Variants in SBF1 observed in about 807,000 individuals in gnomAD.
The protein encoded by SBF1 is myotubularin-related protein 5.
SBF1 carries 65 observed loss-of-function variants against 215.8 expected under a neutral mutation model. That is an observed-to-expected ratio of 0.30 (90% CI 0.25 to 0.37). The LOEUF (loss-of-function observed/expected upper bound fraction) is 0.37, where lower values mean the gene tolerates loss of function less well. Among genes scored for constraint, SBF1 ranks in the 10% least tolerant of loss-of-function variants. The pLI is 1.00. For missense variants in SBF1, 2,634 were observed against 2,667.8 expected (o/e 0.99, Z 0.28); for synonymous variants, 1,410 against 1,122.8 (o/e 1.26, Z -5.11).
intron 36 of SBF1, among the ~76,000 whole-genome samples, chr22:50,451,816 G>A (rs2067058111): frequency 6.9e-6 from 1 of 145,430 alleles, no homozygotes; most frequent in Non-Finnish European, 1.5e-5. Context: ...TTTTTTTTGA[G>A]GCAGAGTCTC....
chr22:50,456,765 G>C (rs928290548), intron 29 of SBF1, 92 bp from the exon 30 acceptor site: 7 of 1,165,866 alleles, frequency 6.0e-6, no homozygotes, highest in Non-Finnish European at 4.7e-6. Flanking sequence ...AGGGGGCTGA[G>C]CTCCCAGGGC....
In SBF1 at chr22:50,455,392, C is replaced by T; in HGVS notation, c.4386G>A (p.Gln1462=). 6.2e-7 allele frequency: 1 copy of T among 1,612,566 alleles called. No homozygotes were observed. Among genetic ancestry groups the T allele is most frequent in the South Asian group, 1.1e-5 (1 of 91,038 alleles). Residue 1462 remains glutamine (Q), a synonymous_variant, in exon 33 of 41, where the codon CAG becomes CAA. Coordinates refer to ENST00000380817, the MANE Select transcript of SBF1 (RefSeq NM_002972.4). ...DITTQVVSLV[Q]LLSDPFYRTL... is the part of the protein sequence containing the mutation. ...TGCGGTAGAAGGGGTCTGAGAGCAGCTGCACCAAGGATACCACCTGCCAGC... is the reference window on the plus strand; with the variant it reads ...TGCGGTAGAAGGGGTCTGAGAGCAGTTGCACCAAGGATACCACCTGCCAGC...
At chr22:50,471,685 C>G (rs747454051) in intron 1 of SBF1, among the ~76,000 whole-genome samples, 20 of 152,292 alleles carry the variant, frequency 1.3e-4, no homozygotes, top group Middle Eastern at 3.4e-3. Context: ...GCCATCCCCC[C>G]CAACCTCCCC....
At chr22:50,467,992 G>A in intron 2 of SBF1, 69 bp from the exon 3 acceptor site, 1 of 1,574,218 alleles carries the variant, frequency 6.4e-7, no homozygotes. Flanking sequence ...ACCCGCCCCA[G>A]CATCTGCACC....
intron 6 of SBF1, 34 bp downstream of exon 6, chr22:50,466,571 G>T: frequency 6.5e-7 from 1 of 1,534,850 alleles, no homozygotes; most frequent in African/African-American, 1.4e-5. Context: ...GTCCCCGAGG[G>T]GAAGCCATGC....
At position 50,459,156 on chromosome 22, in the gene SBF1, G is replaced by A. The variant is rs543599225; in HGVS notation, c.3826+99C>T. ...CCACACCCAAACATCCATGACCAGC[G>A]CCGTTTCTGCTCCTCCCTGGCCTGC... is the stretch of plus-strand genomic sequence containing the variant. On this transcript the variant is annotated intron_variant, in intron 28 of 40. Coordinates refer to ENST00000380817, the MANE Select transcript of SBF1 (RefSeq NM_002972.4). 3.8e-5 allele frequency: 55 copies of A among 1,455,708 alleles called. No homozygotes were observed. The Admixed American group carries it at 5.9e-4, about 16-fold the overall frequency. The allele number at this position is 1,455,708 out of a possible 1,614,324, so 90.2% of individuals were successfully genotyped here. A position where few individuals can be genotyped will look rare whatever the true frequency, so the allele number is the denominator to read the frequency against.
chr22:50,448,128 A>T (rs6010041), intron 38 of SBF1, 105 bp downstream of exon 38: 1 of 1,077,888 alleles, frequency 9.3e-7, no homozygotes, highest in Non-Finnish European at 1.4e-6. Context: ...TGTATACTTA[A>T]GCAAGCTCCT....
In SBF1 at chr22:50,466,694, C is replaced by T. The variant is rs915161351; in HGVS notation, c.566G>A (p.Gly189Glu). 1.3e-6 allele frequency: 2 copies of T among 1,540,160 alleles called. No individual in the cohort carries two copies. The highest frequency in any genetic ancestry group is 2.8e-5 in the African/African-American group (2 of 72,724). Residue 189 changes from glycine to glutamate, a missense_variant, in exon 6 of 41, where the codon GGG becomes GAG. Transcript: ENST00000380817. The stretch of plus-strand genomic sequence containing the variant: ...CTGGATGACCTGCCGGTCACCAGCC[C>T]CCAAAGAGATCGTCCTCTGCAGCAA... ...AGGSQRTISL[G>E]AGDRQVIQTP...
At position 50,467,407 on chromosome 22, in the gene SBF1, C is replaced by G. The variant is rs374267494; in HGVS notation, c.480G>C (p.Leu160=). Residue 160 remains leucine (L), a synonymous_variant, in exon 5 of 41, where the codon CTG becomes CTC. Transcript: ENST00000380817. The part of the protein sequence containing the change: ...GLIYAIHVEG[L]NVCLENVIGN... ...CAATCACGTTCTCCAGGCACACATTCAGGCCCTCCACGTGGATGGCATAGA... is the reference window on the plus strand; with the variant it reads ...CAATCACGTTCTCCAGGCACACATTGAGGCCCTCCACGTGGATGGCATAGA... The G allele has an allele frequency of 6.8e-6, 11 of 1,614,198 alleles. No individual in the cohort carries two copies. The highest frequency in any genetic ancestry group is 8.5e-6 in the Non-Finnish European group (10 of 1,180,026).
intron 1 of SBF1, among the ~76,000 whole-genome samples, chr22:50,474,386 GCCACAGCCGC>G (rs1194651392): frequency 6.6e-6 from 1 of 152,240 alleles, no homozygotes; most frequent in Non-Finnish European, 1.5e-5. Flanking sequence ...AGCCACTAGA[GCCACAGCCGC>G]CCGCAGCTGG....
intron 1 of SBF1, among the ~76,000 whole-genome samples, 162 bp downstream of exon 1, chr22:50,474,624 C>T (rs559371844): frequency 6.7e-6 from 1 of 150,164 alleles, no homozygotes; most frequent in African/African-American, 2.5e-5. Flanking sequence ...CGCCCAGCCC[C>T]CGGTCCTCGG....
In SBF1 at chr22:50,460,173, G is replaced by A; in HGVS notation, c.3284-14C>T. On this transcript the variant is annotated splice_polypyrimidine_tract_variant and intron_variant, in intron 25 of 40. Coordinates refer to ENST00000380817, the MANE Select transcript of SBF1 (RefSeq NM_002972.4). ...GCTCCTCCGACACTGCACAGGCCGG[G>A]CACACGTGGTCATCACGGGGCCACT... 7 of 1,609,538 alleles carry A rather than the reference G, an allele frequency of 4.3e-6. No individual in the cohort carries two copies. Among genetic ancestry groups the A allele is most frequent in the Non-Finnish European group, 5.9e-6 (7 of 1,179,416 alleles).
Position 50,468,563 on chromosome 22 carries a change from T to C in SBF1, c.56-102A>G, listed in dbSNP as rs1156525815. 11 of 741,044 alleles carry C rather than the reference T, an allele frequency of 1.5e-5. No individual in the cohort carries two copies. In the Middle Eastern group the frequency reaches 9.8e-4, roughly 66 times the overall value. The allele number at this position is 741,044 out of a possible 1,614,324, so 45.9% of individuals were successfully genotyped here. On this transcript the variant is annotated intron_variant, in intron 1 of 40. Coordinates refer to ENST00000380817, the MANE Select transcript of SBF1 (RefSeq NM_002972.4). ...AACATTCCCACCCACTGGGCCCTCA[T>C]CTGGCACCAGATCAGCCACAGCTCC...
At chr22:50,470,149 A>G (rs958336161) in intron 1 of SBF1, among the ~76,000 whole-genome samples, 1 of 123,950 alleles carries the variant, frequency 8.1e-6, no homozygotes, top group African/African-American at 3.1e-5. Context: ...CCACTCCCCC[A>G]AAGGCCTCCT....
At chr22:50,463,062 C>A in intron 16 of SBF1, 124 bp from the exon 17 acceptor site, 1 of 1,187,654 alleles carries the variant, frequency 8.4e-7, no homozygotes. Flanking sequence ...TCCAGCTCCC[C>A]AAGGCTGCCT....
chr22:50,460,179 G>A lies in SBF1; in HGVS notation c.3284-20C>T, dbSNP rs373930223. ...CCGACACTGCACAGGCCGGGCACAC[G>A]TGGTCATCACGGGGCCACTCCGCCT... On this transcript the variant is annotated intron_variant, in intron 25 of 40. Transcript: ENST00000380817. 4.4e-5 allele frequency: 70 copies of A among 1,608,888 alleles called. No homozygotes were observed. Among genetic ancestry groups the A allele is most frequent in the African/African-American group, 9.3e-5 (7 of 75,010 alleles).
intron 16 of SBF1, 46 bp downstream of exon 16, chr22:50,463,237 G>C (rs756185149): frequency 7.5e-6 from 12 of 1,607,436 alleles, no homozygotes; most frequent in African/African-American, 2.7e-5. Flanking sequence ...GCCTGTTCCC[G>C]CTCATGCGCC....
rs373848053 is a variant in SBF1 at position 50,448,307 on chromosome 22, G to A, written c.5289C>T (p.Ser1763=). ...DSDQSSGSTT[S]GSRQAARRST... ...TGCGGCGGGCAGCCTGACGGGAGCC[G>A]GATGTGGTTGAGCCACTACTCTGGT... The change falls in exon 38 of 41, where the codon TCC becomes TCT. Residue 1763 remains serine (S), a synonymous_variant. Transcript: ENST00000380817. 478 of 1,613,476 alleles carry A rather than the reference G, an allele frequency of 3.0e-4. No homozygotes were observed. The highest frequency in any genetic ancestry group is 2.7e-3 in the African/African-American group (200 of 75,046).
At chr22:50,468,570 C>A in intron 1 of SBF1, 109 bp from the exon 2 acceptor site, 1 of 707,092 alleles carries the variant, frequency 1.4e-6, no homozygotes, top group Non-Finnish European at 2.3e-6. Context: ...TCATCTGGCA[C>A]CAGATCAGCC....
Sources: gnomAD v4.1 joint callset for allele counts (sites outside exome capture counted in the v4.1 genomes callset) on GRCh38, gnomAD v4.1.1 for gene constraint, MANE v1.5 for transcripts, NCBI Gene and HGNC (gene_info 2026-07-23, HGNC 2026-07-21) for gene names.